The following ADGRB3 variants were observed in gnomAD, a reference collection of about 807,000 sequenced individuals.
ADGRB3 encodes brain-specific angiogenesis inhibitor 3.
ADGRB3 carries 37 observed loss-of-function variants against 193.4 expected under a neutral mutation model. The ratio of observed to expected loss-of-function variants is 0.19; its 90% CI spans 0.15 to 0.25. The LOEUF (loss-of-function observed/expected upper bound fraction) is 0.25, where lower values mean the gene tolerates loss of function less well. Ranked by LOEUF, ADGRB3 falls within the 10% of genes least tolerant of loss-of-function variation. The pLI is 1.00. For synonymous variants in ADGRB3, 690 were observed against 644.2 expected (o/e 1.07, Z -1.08); for missense variants, 1,637 against 1,852.9 (o/e 0.88, Z 2.14).
rs1056531612 is a variant in ADGRB3, at chr6:68,635,562, C to G, written c.-626C>G. ...CCAACAAATCTGCCATAGCAGCCGC[C>G]GCCGCCGCCGGTCACTTCTCGTCTC... On this transcript the variant is annotated 5_prime_UTR_variant, in exon 1 of 32. Coordinates refer to ENST00000370598, the MANE Select transcript of ADGRB3 (RefSeq NM_001704.3). 4 of 154,818 alleles carry G rather than the reference C, an allele frequency of 2.6e-5. No homozygotes were observed. The South Asian group carries it at 8.1e-4, about 31-fold the overall frequency. The allele number at this position is 154,818 out of a possible 1,614,324, so 9.6% of individuals were successfully genotyped here.
intron 8 of ADGRB3, among the ~76,000 whole-genome samples, chr6:68,961,506 A>G (rs1768232759): frequency 1.3e-5 from 2 of 152,148 alleles, no homozygotes; most frequent in African/African-American, 4.8e-5. Flanking sequence ...GTCTTAGCTC[A>G]CTTTGACTTA....
Position 69,350,930 on chromosome 6 carries a change from G to A in ADGRB3, c.3460-3303G>A, listed in dbSNP as rs527811051. ...AAAATTCAATTAATTATCCAAACAC[G>A]TTCAAATAGCTGTGAATGCGTTTTC... On this transcript the variant is annotated intron_variant, in intron 26 of 31. Transcript: ENST00000370598. 1.2e-4 allele frequency among the ~76,000 whole-genome samples: 19 copies of A among 152,016 alleles called. No homozygotes were observed. The East Asian group carries it at 2.5e-3, about 20-fold the overall frequency.
intron 3 of ADGRB3, among the ~76,000 whole-genome samples, chr6:68,813,130 T>G (rs1160412935): frequency 1.3e-5 from 2 of 152,144 alleles, no homozygotes; most frequent in Non-Finnish European, 2.9e-5. Flanking sequence ...ATGCTATTCT[T>G]GTGATAGTAA....
chr6:69,184,744 A>G (rs1765033845), intron 17 of ADGRB3, among the ~76,000 whole-genome samples: 1 of 152,136 alleles, frequency 6.6e-6, no homozygotes. Flanking sequence ...CTCCTAAGGG[A>G]AAGGAAAATA....
intron 17 of ADGRB3, among the ~76,000 whole-genome samples, chr6:69,085,677 A>C (rs1412086194): frequency 1.3e-5 from 2 of 151,644 alleles, no homozygotes; most frequent in Admixed American, 6.6e-5. Context: ...AGAATTGCTC[A>C]CTTGTACTAT....
intron 3 of ADGRB3, among the ~76,000 whole-genome samples, chr6:68,911,280 G>A: frequency 8.1e-6 from 1 of 123,840 alleles, no homozygotes; most frequent in South Asian, 3.2e-4. Context: ...GGTGGGGGGA[G>A]GGGGGAGGGC....
In ADGRB3 at chr6:69,106,409, A is replaced by G. The variant is rs144840129; in HGVS notation, c.2480+30371A>G. Among the ~76,000 whole-genome samples, 266 of 152,124 alleles carry G rather than the reference A, an allele frequency of 1.7e-3. 2 individuals are homozygous for G. The highest frequency in any genetic ancestry group is 2.2e-3 in the Non-Finnish European group (151 of 67,984). ...GTCTAGGTTGAAGTTATATTTCTGCACCTCTATTTTCATTAGGCCTTATTT... is the reference window on the plus strand; with the variant it reads ...GTCTAGGTTGAAGTTATATTTCTGCGCCTCTATTTTCATTAGGCCTTATTT... On this transcript the variant is annotated intron_variant, in intron 17 of 31. Coordinates refer to ENST00000370598, the MANE Select transcript of ADGRB3 (RefSeq NM_001704.3).
chr6:69,214,038 A>G (rs1001358134), intron 17 of ADGRB3, among the ~76,000 whole-genome samples: 1 of 152,200 alleles, frequency 6.6e-6, no homozygotes, highest in African/African-American at 2.4e-5. Context: ...TAGCTATCAG[A>G]ACACAAGCAG....
intron 3 of ADGRB3, among the ~76,000 whole-genome samples, chr6:68,768,940 G>C (rs997683853): frequency 2.0e-5 from 3 of 151,624 alleles, no homozygotes; most frequent in African/African-American, 7.3e-5. Flanking sequence ...CGAAAAAAAA[G>C]CTCATCAACA....
At chr6:68,926,629 G>A (rs1767189235) in intron 3 of ADGRB3, among the ~76,000 whole-genome samples, 1 of 152,080 alleles carries the variant, frequency 6.6e-6, no homozygotes, top group Admixed American at 6.6e-5. Flanking sequence ...AACTAACAAT[G>A]TGAAGTAGTA....
intron 3 of ADGRB3, among the ~76,000 whole-genome samples, chr6:68,761,316 A>G (rs1476447047): frequency 3.5e-5 from 5 of 144,350 alleles, no homozygotes. Context: ...ATTTATATAA[A>G]TGACCTAAAC....
intron 17 of ADGRB3, among the ~76,000 whole-genome samples, chr6:69,135,041 G>T (rs1053650183): frequency 6.6e-6 from 1 of 151,684 alleles, no homozygotes; most frequent in Non-Finnish European, 1.5e-5. Context: ...TTTTCTGAGG[G>T]GTATAAATTT....
intron 30 of ADGRB3, among the ~76,000 whole-genome samples, chr6:69,382,054 C>G (rs1372022965): frequency 6.6e-6 from 1 of 151,846 alleles, no homozygotes; most frequent in Non-Finnish European, 1.5e-5. Flanking sequence ...ATGATACTTA[C>G]CCCAAGGCCA....
chr6:69,060,440 C>G (rs544751448), intron 15 of ADGRB3, among the ~76,000 whole-genome samples: 1 of 152,158 alleles, frequency 6.6e-6, no homozygotes, highest in South Asian at 2.1e-4. Flanking sequence ...TCCACATTCC[C>G]AAACACACAG....
At chr6:68,789,647 C>T (rs551942454) in intron 3 of ADGRB3, among the ~76,000 whole-genome samples, 8 of 152,252 alleles carry the variant, frequency 5.3e-5, no homozygotes, top group East Asian at 1.9e-4. Flanking sequence ...TTGCTCTTCT[C>T]GATGAGTATC....
At chr6:69,185,757 CA>C (rs1765053163) in intron 17 of ADGRB3, among the ~76,000 whole-genome samples, 1 of 152,070 alleles carries the variant, frequency 6.6e-6, no homozygotes, top group Admixed American at 6.6e-5. Context: ...TTTTAAGTTG[CA>C]AAGTATACAT....
intron 20 of ADGRB3, among the ~76,000 whole-genome samples, chr6:69,245,476 T>G (rs1185828727): frequency 1.3e-5 from 2 of 152,140 alleles, no homozygotes; most frequent in African/African-American, 4.8e-5. Context: ...TTCTGGAGCT[T>G]GTAAAACCTG....
intron 8 of ADGRB3, among the ~76,000 whole-genome samples, chr6:68,968,244 G>T (rs1019751503): frequency 2.0e-5 from 3 of 152,122 alleles, no homozygotes; most frequent in Admixed American, 6.6e-5. Context: ...GCTCACTAGT[G>T]CCATCTAGTG....
chr6:68,920,385 G>A (rs984228429), intron 3 of ADGRB3, among the ~76,000 whole-genome samples: 1 of 151,774 alleles, frequency 6.6e-6, no homozygotes, highest in Non-Finnish European at 1.5e-5. Flanking sequence ...CGGGCGTGGT[G>A]GTGGGCTCTG....
Sources: gnomAD v4.1 joint callset for allele counts (sites outside exome capture counted in the v4.1 genomes callset) on GRCh38, gnomAD v4.1.1 for gene constraint, MANE v1.5 for transcripts, NCBI Gene and HGNC (gene_info 2026-07-23, HGNC 2026-07-21) for gene names.